ILRUN: variants seen among roughly 807,000 people sequenced by gnomAD.
ILRUN encodes inflammation and lipid regulator with UBA-like and NBR1-like domains, also known as protein ILRUN.
ILRUN carries 3 observed loss-of-function variants against 33.8 expected under a neutral mutation model. The ratio of observed to expected loss-of-function variants is 0.09; its 90% confidence interval spans 0.04 to 0.23. The LOEUF (loss-of-function observed/expected upper bound fraction) is 0.23, where lower values mean the gene tolerates loss of function less well. ILRUN is among the 10% of genes least tolerant of loss of function. The pLI, the probability that ILRUN is intolerant of heterozygous loss-of-function variation, is 1.00. For synonymous variants in ILRUN, 124 were observed against 138.9 expected, an observed-to-expected ratio of 0.89 and a Z score of 0.75; for missense variants, 210 against 375.1, an observed-to-expected ratio of 0.56 and a Z score of 3.64.
At chr6:34,649,178 A>T (rs1762612564) in intron 2 of ILRUN, among the ~76,000 whole-genome samples, 1 of 152,162 alleles carries the variant, frequency 6.6e-6, no homozygotes, top group South Asian at 2.1e-4. Context: ...GAAGTGAAAA[A>T]CCAATCATCT....
intron 4 of ILRUN, 40 bp downstream of exon 4, chr6:34,606,515 G>A (rs1761634298): frequency 6.5e-7 from 1 of 1,544,698 alleles, no homozygotes; most frequent in East Asian, 2.2e-5. Context: ...CAAGTCCCAA[G>A]GCCCACCACC....
At position 34,606,685 on chromosome 6, in the gene ILRUN, G is replaced by A. The variant is rs145448520; in HGVS notation, c.731C>T (p.Ala244Val). The change falls in exon 4 of 5, where the codon GCT becomes GTT. Residue 244 changes from alanine (A) to valine (V), a missense_variant. Around this residue, in one of 4 missense-constraint regions of ILRUN, gnomAD observed 81 missense variants for 97.0 expected, o/e 0.84. Transcript: ENST00000374023. ...AGGAGCCCATGTGTCAGGAGCAGGAGCCCATGTGTTTTTGCTGATCGAGTC... is the reference window on the plus strand; with the variant it reads ...AGGAGCCCATGTGTCAGGAGCAGGAACCCATGTGTTTTTGCTGATCGAGTC... ...EFDSISKNTWAPAPDTWAPAP... is the reference protein window; with the variant it reads ...EFDSISKNTWVPAPDTWAPAP... 1.9e-6 allele frequency: 3 copies of A among 1,614,200 alleles called. No homozygotes were observed. Among genetic ancestry groups the A allele is most frequent in the Non-Finnish European group, 2.5e-6 (3 of 1,180,022 alleles).
chr6:34,598,711 A>C (rs1761451191), intron 4 of ILRUN, among the ~76,000 whole-genome samples: 1 of 152,220 alleles, frequency 6.6e-6, no homozygotes, highest in Non-Finnish European at 1.5e-5. Context: ...TCCTGGAGAT[A>C]CTTTTTATTC....
intron 3 of ILRUN, among the ~76,000 whole-genome samples, chr6:34,634,690 G>C (rs1290083280): frequency 6.6e-6 from 1 of 152,168 alleles, no homozygotes; most frequent in Admixed American, 6.5e-5. Flanking sequence ...ATTCAACTTA[G>C]ATGAAAAGGA....
intron 3 of ILRUN, among the ~76,000 whole-genome samples, chr6:34,618,330 G>A (rs550131467): frequency 4.9e-4 from 74 of 152,292 alleles, no homozygotes; most frequent in Admixed American, 2.6e-3. Context: ...TACTGCCTTC[G>A]TACCAATAAT....
In ILRUN at chr6:34,626,286, A is replaced by G. The variant is rs868027881; in HGVS notation, c.512-19382T>C. On this transcript the variant is annotated intron_variant, in intron 3 of 4. Coordinates refer to ENST00000374023, the MANE Select transcript of ILRUN (RefSeq NM_024294.4). ...TTCTGAGCTCAAACAATCTTCCCAC[A>G]TTTGCCCGCAAAGTAGCTAGGACTA... Among the ~76,000 whole-genome samples the G allele has an allele frequency of 3.9e-5, 6 of 152,162 alleles. No individual in the cohort carries two copies. In the Middle Eastern group the frequency reaches 0.01, roughly 259 times the overall value.
chr6:34,636,911 G>C (rs1762377112), intron 3 of ILRUN, among the ~76,000 whole-genome samples: 1 of 152,010 alleles, frequency 6.6e-6, no homozygotes, highest in Non-Finnish European at 1.5e-5. Flanking sequence ...ACCTGAAATG[G>C]TTTCAGCATA....
chr6:34,614,852 C>T (rs1193515600), intron 3 of ILRUN, among the ~76,000 whole-genome samples: 3 of 152,020 alleles, frequency 2.0e-5, no homozygotes, highest in Admixed American at 2.0e-4. Context: ...CTTTCTAAAC[C>T]CCGTAACATC....
intron 4 of ILRUN, among the ~76,000 whole-genome samples, chr6:34,599,323 T>TTTA (rs1209222676): frequency 6.6e-6 from 1 of 152,154 alleles, no homozygotes; most frequent in Non-Finnish European, 1.5e-5. Context: ...TATGAAATGG[T>TTTA]TTACATGTTA....
At chr6:34,640,713 AAATGAATGAATG>A (rs141557087) in intron 3 of ILRUN, among the ~76,000 whole-genome samples, 25,033 of 150,808 alleles carry the variant, frequency 0.17, 2,826 homozygotes, top group African/African-American at 0.32. Context: ...CGTCTCAAAT[AAATGAATGAATG>A]AATGAATGAA....
intron 1 of ILRUN, among the ~76,000 whole-genome samples, chr6:34,676,442 C>CTAGCTAGCTAGCTAGA (rs377034822): frequency 6.7e-6 from 1 of 149,748 alleles, no homozygotes; most frequent in African/African-American, 2.5e-5. Flanking sequence ...AGCTAGCTAG[C>CTAGCTAGCTAGCTAGA]TAGATAGATA....
intron 1 of ILRUN, among the ~76,000 whole-genome samples, chr6:34,665,049 C>T (rs1345907609): frequency 2.0e-5 from 3 of 151,872 alleles, no homozygotes; most frequent in African/African-American, 7.3e-5. Context: ...CAGCTCACTG[C>T]GGGTTTGAAC....
At chr6:34,660,496 T>A (rs560151376) in intron 1 of ILRUN, among the ~76,000 whole-genome samples, 1 of 151,994 alleles carries the variant, frequency 6.6e-6, no homozygotes, top group South Asian at 2.1e-4. Flanking sequence ...GGAAACAGAA[T>A]AATGAACCCA....
chr6:34,676,980 T>G lies in ILRUN; in HGVS notation c.158+19466A>C, dbSNP rs1763247296. ...TCGGAATTTGCCCCAAATAAATACA[T>G]GGGTTTTATGTCACAATTAAAAAAA... On this transcript the variant is annotated intron_variant, in intron 1 of 4. Transcript: ENST00000374023. 2.8e-5 allele frequency among the ~76,000 whole-genome samples: 4 copies of G among 141,446 alleles called. No homozygotes were observed. The Admixed American group carries it at 2.9e-4, about 10-fold the overall frequency. 92.8% of individuals were successfully genotyped at this position (141,446 alleles called of 152,430 possible). A position where few individuals can be genotyped will look rare whatever the true frequency, so the allele number is the denominator to read the frequency against.
At chr6:34,623,773 T>A (rs1049519204) in intron 3 of ILRUN, among the ~76,000 whole-genome samples, 1 of 152,216 alleles carries the variant, frequency 6.6e-6, no homozygotes, top group Non-Finnish European at 1.5e-5. Flanking sequence ...AAAATTTAAA[T>A]ATTGTCCATT....
At chr6:34,619,693 T>C (rs1761970176) in intron 3 of ILRUN, among the ~76,000 whole-genome samples, 1 of 152,010 alleles carries the variant, frequency 6.6e-6, no homozygotes, top group African/African-American at 2.4e-5. Context: ...GATATACATA[T>C]TAAGTGAAAA....
In ILRUN at chr6:34,646,634, G is replaced by A; in HGVS notation, c.478C>T (p.Arg160Trp). 3 of 1,614,034 alleles carry A rather than the reference G, an allele frequency of 1.9e-6. No homozygotes were observed. Among genetic ancestry groups the A allele is most frequent in the Non-Finnish European group, 2.5e-6 (3 of 1,180,002 alleles). ...SRAGMYQGQW[R>W]MCTATGLYYG... is the part of the protein sequence containing the mutation. ...TAGAGTCCTGTAGCAGTGCACATCC[G>A]CCACTGTCCCTGATACATTCCTGCT... Residue 160 changes from arginine (R) to tryptophan (W), a missense_variant, in exon 3 of 5, where the codon CGG becomes TGG. This residue lies in a region of ILRUN where 60 missense variants were observed against 138.1 expected (regional missense o/e 0.43). Coordinates refer to ENST00000374023, the MANE Select transcript of ILRUN (RefSeq NM_024294.4). The surrounding 1 kb of genome is among the most constrained non-coding windows in gnomAD (Gnocchi z 4.9).
chr6:34,681,528 C>T (rs914338319), intron 1 of ILRUN, among the ~76,000 whole-genome samples: 9 of 152,106 alleles, frequency 5.9e-5, no homozygotes, highest in Admixed American at 5.9e-4. Flanking sequence ...CTTTGGGAGG[C>T]CAAGGCAGGA....
rs1244248412 is a variant in ILRUN at position 34,625,407 on chromosome 6, G to A, written c.512-18503C>T. The stretch of plus-strand genomic sequence containing the variant: ...ATAGGGGTACTTAGAACTCCCTCAT[G>A]GCCATCTGGACATCTCAATCCTACA... On this transcript the variant is annotated intron_variant, in intron 3 of 4. Coordinates refer to ENST00000374023, the MANE Select transcript of ILRUN (RefSeq NM_024294.4). Among the ~76,000 whole-genome samples the A allele has an allele frequency of 2.6e-5, 4 of 152,268 alleles. No individual in the cohort carries two copies. The South Asian group carries it at 6.2e-4, about 24-fold the overall frequency.
Sources: gnomAD v4.1 joint callset for allele counts (sites outside exome capture counted in the v4.1 genomes callset) on GRCh38, gnomAD v4.1.1 for gene constraint, gnomAD v4.1.1 regional missense constraint, Gnocchi (gnomAD v3.1) non-coding constraint, MANE v1.5 for transcripts, NCBI Gene and HGNC (gene_info 2026-07-23, HGNC 2026-07-21) for gene names.